LIG1: variants seen among roughly 807,000 people sequenced by gnomAD.
LIG1 encodes DNA ligase 1.
LIG1 carries 70 observed loss-of-function variants against 115.7 expected under a neutral mutation model. The observed-to-expected ratio is 0.60, with a 90% CI of 0.50 to 0.74. The LOEUF is 0.74. Among genes scored for constraint, LIG1 ranks in the 30% least tolerant of loss-of-function variants. The probability of loss-of-function intolerance (pLI) is 0.00; values close to 1 mark genes in which losing one functional copy is unlikely to be tolerated. For missense variants in LIG1, 1,115 were observed against 1,225.6 expected (o/e 0.91, Z 1.35); for synonymous variants, 487 against 495.3 (o/e 0.98, Z 0.22).
intron 14 of LIG1, among the ~76,000 whole-genome samples, 162 bp downstream of exon 14, chr19:48,136,846 A>T (rs41541014): frequency 0.016 from 2,394 of 152,282 alleles, 50 homozygotes; most frequent in Non-Finnish European, 0.019. Context: ...GTGAAAGGAA[A>T]TGGTGTCCCT....
rs777334641 is a variant in LIG1, at chr19:48,149,839, G to C, written c.700C>G (p.Pro234Ala). 1.2e-6 allele frequency: 2 copies of C among 1,613,752 alleles called. No individual in the cohort carries two copies. Among genetic ancestry groups the C allele is most frequent in the East Asian group, 4.5e-5 (2 of 44,880 alleles). Residue 234 changes from proline (P) to alanine (A), a missense_variant and splice_region_variant, in exon 9 of 28, where the codon CCC becomes GCC. Transcript: ENST00000263274. ...TCTTTTTTGACTGCTGGCTTCCGGG[G>C]GGCTAGGAATGAAGACAGAAAACAG... is the stretch of plus-strand genomic sequence containing the variant. ...APKTLSSFFT[P>A]RKPAVKKEVK...
intron 9 of LIG1, among the ~76,000 whole-genome samples, chr19:48,146,785 C>T (rs988458906): frequency 1.3e-5 from 2 of 152,232 alleles, no homozygotes; most frequent in Admixed American, 6.5e-5. Flanking sequence ...AATACACAAA[C>T]ACGGACACAC....
chr19:48,166,079 G>A (rs1203219253), intron 1 of LIG1, among the ~76,000 whole-genome samples: 1 of 152,214 alleles, frequency 6.6e-6, no homozygotes, highest in Non-Finnish European at 1.5e-5. Flanking sequence ...ATCACAGAGT[G>A]TGTGCTACTG....
chr19:48,158,280 G>A (rs1042200163), intron 4 of LIG1, among the ~76,000 whole-genome samples: 3 of 152,200 alleles, frequency 2.0e-5, no homozygotes, highest in African/African-American at 7.2e-5. Context: ...AATGTTGAGT[G>A]GGGTGCCCTC....
chr19:48,154,541 G>A (rs2035714835), intron 5 of LIG1: 6 of 185,186 alleles, frequency 3.2e-5, no homozygotes, highest in Non-Finnish European at 1.2e-5. Context: ...CACATCCTGT[G>A]TTGGCTGCTC....
chr19:48,162,600 A>AT (rs1459274569), intron 2 of LIG1, among the ~76,000 whole-genome samples: 2 of 151,676 alleles, frequency 1.3e-5, no homozygotes, highest in Non-Finnish European at 2.9e-5. Context: ...TGCCCAGCTA[A>AT]TTTTTTGTAT....
rs1224215156 is a variant in LIG1 at position 48,123,269 on chromosome 19, T to C, written c.2054A>G (p.Asn685Ser). 2 of 1,613,862 alleles carry C rather than the reference T, an allele frequency of 1.2e-6. No individual in the cohort carries two copies. The highest frequency in any genetic ancestry group is 2.7e-5 in the African/African-American group (2 of 74,900). The part of the protein sequence containing the change: ...LSRRRQLLRE[N>S]FVETEGEFVF... ...AAACTCGCCCTCTGTCTCCACAAAG[T>C]TCTCCCGGAGCAGCTGCCGGCGCCG... is the stretch of plus-strand genomic sequence containing the variant. The change falls in exon 22 of 28, where the codon AAC becomes AGC. Residue 685 changes from asparagine (N) to serine (S), a missense_variant. Asn to Ser is a conservative substitution (Grantham distance 46). Transcript: ENST00000263274.
At position 48,120,270 on chromosome 19, in the gene LIG1, C is replaced by T. The variant is rs896102508; in HGVS notation, c.2385+900G>A. 57 of 985,212 alleles carry T rather than the reference C, an allele frequency of 5.8e-5. No individual in the cohort carries two copies. In the East Asian group the frequency reaches 6.8e-4, roughly 12 times the overall value. 61.0% of individuals were successfully genotyped at this position (985,212 alleles called of 1,614,324 possible). ...GGCACAGCACTTGAAAACTCTTGTGCGGGCATTCAGGTCCTGTTGCCATAT... is the reference window on the plus strand; with the variant it reads ...GGCACAGCACTTGAAAACTCTTGTGTGGGCATTCAGGTCCTGTTGCCATAT... On this transcript the variant is annotated intron_variant, in intron 24 of 27. Coordinates refer to ENST00000263274, the MANE Select transcript of LIG1 (RefSeq NM_000234.3).
intron 4 of LIG1, 28 bp from the exon 5 acceptor site, chr19:48,157,168 T>C: frequency 6.3e-7 from 1 of 1,578,808 alleles, no homozygotes; most frequent in South Asian, 1.2e-5. Flanking sequence ...AGTTCTAGAG[T>C]GAGCGGGGGA....
Position 48,157,132 on chromosome 19 carries a change from G to A in LIG1, c.252C>T (p.Ala84=), listed in dbSNP as rs527399188. The A allele has an allele frequency of 6.9e-5, 111 of 1,610,976 alleles. No individual in the cohort carries two copies. The South Asian group carries it at 1.1e-3, about 17-fold the overall frequency. The change falls in exon 5 of 28, where the codon GCC becomes GCT. Residue 84 remains alanine (A), a synonymous_variant. Coordinates refer to ENST00000263274, the MANE Select transcript of LIG1 (RefSeq NM_000234.3). ...GCGGGGAGACCTGTGAGCAGTCCAGGGCAGGCTTCTGGAAGAGGAAAGAAC... is the reference window on the plus strand; with the variant it reads ...GCGGGGAGACCTGTGAGCAGTCCAGAGCAGGCTTCTGGAAGAGGAAAGAAC... The part of the protein sequence containing the change: ...ALSPAKGQKP[A]LDCSQVSPPR...
chr19:48,143,841 C>G (rs773481109), intron 10 of LIG1, 42 bp downstream of exon 10: 2 of 1,523,434 alleles, frequency 1.3e-6, no homozygotes, highest in Non-Finnish European at 1.8e-6. Flanking sequence ...CCGGTGGCAA[C>G]AGGGACCGGA....
rs947572353 is a variant in LIG1 at position 48,132,701 on chromosome 19, G to C, written c.1725+281C>G. Reference sequence around the variant, plus strand: ...AGCTACTTGGGAGGCTGAGGCAGGAGAATCACTTGAAGCCAGGAGGTGGAG... The same window carrying C: ...AGCTACTTGGGAGGCTGAGGCAGGACAATCACTTGAAGCCAGGAGGTGGAG... On this transcript the variant is annotated intron_variant, in intron 18 of 27. Coordinates refer to ENST00000263274, the MANE Select transcript of LIG1 (RefSeq NM_000234.3). 3.5e-5 allele frequency among the ~76,000 whole-genome samples: 5 copies of C among 144,078 alleles called. No homozygotes were observed. The South Asian group carries it at 1.1e-3, about 32-fold the overall frequency. 94.5% of individuals were successfully genotyped at this position (144,078 alleles called of 152,430 possible).
chr19:48,162,475 C>T (rs911294966), intron 2 of LIG1, 124 bp from the exon 3 acceptor site: 3 of 701,656 alleles, frequency 4.3e-6, no homozygotes, highest in Non-Finnish European at 7.0e-6. Context: ...GCTCTGTAGC[C>T]CAGGCTGGAG....
At chr19:48,152,150 T>C (rs542674394) in intron 6 of LIG1, among the ~76,000 whole-genome samples, 7 of 152,102 alleles carry the variant, frequency 4.6e-5, no homozygotes, top group Admixed American at 3.3e-4. Flanking sequence ...TGAGACACAG[T>C]CTCCCTCTGT....
chr19:48,121,237 C>T lies in LIG1; in HGVS notation c.2318G>A (p.Gly773Asp). The change falls in exon 24 of 28, where the codon GGC becomes GAC. Residue 773 changes from glycine (G) to aspartate (D), a missense_variant. Transcript: ENST00000263274. ...GGCCAGCAGGAAGCCCCCGTACCGG[C>T]CGGCCCGCTTCCCCCGGCCCAGGTA... ...GAYLGRGKRA[G>D]RYGGFLLASY... 2 of 1,613,968 alleles carry T rather than the reference C, an allele frequency of 1.2e-6. No individual in the cohort carries two copies. The highest frequency in any genetic ancestry group is 1.7e-6 in the Non-Finnish European group (2 of 1,179,982).
chr19:48,128,034 G>C lies in LIG1; in HGVS notation c.1822-14C>G. ...TGGGAGTTTAATCTGAAAAGTGAAGGGAGAGACCCAGGGCCTGAGAGAGGT... is the reference window on the plus strand; with the variant it reads ...TGGGAGTTTAATCTGAAAAGTGAAGCGAGAGACCCAGGGCCTGAGAGAGGT... On this transcript the variant is annotated splice_polypyrimidine_tract_variant and intron_variant, in intron 19 of 27. Coordinates refer to ENST00000263274, the MANE Select transcript of LIG1 (RefSeq NM_000234.3). 2 of 1,602,360 alleles carry C rather than the reference G, an allele frequency of 1.2e-6. No individual in the cohort carries two copies. The highest frequency in any genetic ancestry group is 4.5e-5 in the East Asian group (2 of 44,822).
rs765788847 is a variant in LIG1, at chr19:48,137,672, G to A, written c.1104C>T (p.Ser368=). 1.6e-5 allele frequency: 25 copies of A among 1,604,354 alleles called. No individual in the cohort carries two copies. Among genetic ancestry groups the A allele is most frequent in the Admixed American group, 8.3e-5 (5 of 59,958 alleles). Residue 368 remains serine, a synonymous_variant, in exon 13 of 28, where the codon TCC becomes TCT. Transcript: ENST00000263274. The surrounding 1 kb of genome is among the most constrained non-coding windows in gnomAD (Gnocchi z 4.3). ...CTTTCTCGGCTGCCTCAGCCCGGAC[G>A]GACTCCAGCTGCCGACCTTCAGGGG... ...VAQATGRQLE[S]VRAEAAEKGD...
rs2034150441 is a variant in LIG1, at chr19:48,133,115, T to A, written c.1610-18A>T. On this transcript the variant is annotated intron_variant, in intron 17 of 27. Coordinates refer to ENST00000263274, the MANE Select transcript of LIG1 (RefSeq NM_000234.3). ...GGGAATCCCTGGGAAAGGAGGAGAGTGAGTTAGAGGAGAGGGAAGGCAATG... is the reference window on the plus strand; with the variant it reads ...GGGAATCCCTGGGAAAGGAGGAGAGAGAGTTAGAGGAGAGGGAAGGCAATG... The A allele has an allele frequency of 6.6e-7, 1 of 1,519,914 alleles. No individual in the cohort carries two copies. The highest frequency in any genetic ancestry group is 9.1e-7 in the Non-Finnish European group (1 of 1,095,226). The allele number at this position is 1,519,914 out of a possible 1,614,324, so 94.2% of individuals were successfully genotyped here.
intron 17 of LIG1, chr19:48,133,378 T>TGCGTCCCTCCTCC (rs1264924536): frequency 2.2e-6 from 1 of 464,562 alleles, no homozygotes; most frequent in East Asian, 4.2e-5. Flanking sequence ...CTCCCTCCTC[T>TGCGTCCCTCCTCC]GCGTCCCTCC....
Sources: gnomAD v4.1 joint callset for allele counts (sites outside exome capture counted in the v4.1 genomes callset) on GRCh38, gnomAD v4.1.1 for gene constraint, Gnocchi (gnomAD v3.1) non-coding constraint, MANE v1.5 for transcripts, NCBI Gene and HGNC (gene_info 2026-07-23, HGNC 2026-07-21) for gene names.